Variants in CHLSN observed in about 807,000 individuals in gnomAD.
CHLSN encodes the protein cholesin, also known as protein cholesin.
At chr7:1,134,634 C>T in the CHLSN span, among the ~76,000 whole-genome samples, 14 of 151,720 alleles carry the variant, frequency 9.2e-5, no homozygotes, top group Admixed American at 5.9e-4. Context: ...TTTGGGAGGC[C>T]GAGACAGGCA....
At chr7:1,098,050 C>A in the CHLSN span, among the ~76,000 whole-genome samples, 7 of 148,856 alleles carry the variant, frequency 4.7e-5, no homozygotes, top group Admixed American at 4.6e-4. Context: ...TGGGGTCAGT[C>A]GACAAGAATG....
At chr7:1,002,700 C>T in the CHLSN span, among the ~76,000 whole-genome samples, 2 of 64,950 alleles carry the variant, frequency 3.1e-5, no homozygotes, top group Admixed American at 3.1e-4. Flanking sequence ...TGAGTGGAGC[C>T]CTGTGGGTGA....
At chr7:1,005,775 C>T in the CHLSN span, among the ~76,000 whole-genome samples, 268 of 152,332 alleles carry the variant, frequency 1.8e-3, no homozygotes, top group Non-Finnish European at 2.9e-3. Flanking sequence ...GACTTGCTCT[C>T]GTCCTCCCGC....
the CHLSN span, among the ~76,000 whole-genome samples, chr7:999,386 G>A: frequency 6.6e-6 from 1 of 150,496 alleles, no homozygotes; most frequent in Non-Finnish European, 1.5e-5. Context: ...CCACCCTTGT[G>A]CCTGCCCCAG....
At chr7:1,033,613 G>A in the CHLSN span, among the ~76,000 whole-genome samples, 1 of 152,022 alleles carries the variant, frequency 6.6e-6, no homozygotes, top group Non-Finnish European at 1.5e-5. Flanking sequence ...GGCTACAGAA[G>A]AAATACGACG....
At chr7:990,444 C>T in the CHLSN span, among the ~76,000 whole-genome samples, 117 of 152,114 alleles carry the variant, frequency 7.7e-4, 1 homozygote, top group African/African-American at 2.7e-3. Context: ...CCAGCGCTGA[C>T]CATGCACGTG....
the CHLSN span, chr7:987,293 C>T: frequency 4.0e-6 from 6 of 1,512,114 alleles, no homozygotes; most frequent in Non-Finnish European, 5.3e-6. Flanking sequence ...CCCCGGGGGA[C>T]CCCCAGGGAC....
At chr7:1,027,453 G>A in the CHLSN span, among the ~76,000 whole-genome samples, 1 of 152,174 alleles carries the variant, frequency 6.6e-6, no homozygotes, top group Non-Finnish European at 1.5e-5. Flanking sequence ...GCACGGGGCC[G>A]CCACCTGCCC....
chr7:1,070,608 A>T, the CHLSN span, among the ~76,000 whole-genome samples: 1 of 146,548 alleles, frequency 6.8e-6, no homozygotes, highest in African/African-American at 2.6e-5. Context: ...ACATGCACAC[A>T]TGCATGCACA....
the CHLSN span, among the ~76,000 whole-genome samples, chr7:1,126,766 C>T: frequency 0.087 from 13,313 of 152,218 alleles, 1,389 homozygotes; most frequent in African/African-American, 0.25. Context: ...CAAATCTCAA[C>T]GTTATTCATA....
chr7:1,064,878 G>A, the CHLSN span, among the ~76,000 whole-genome samples: 1 of 152,240 alleles, frequency 6.6e-6, no homozygotes. Context: ...GAAGGCCCCA[G>A]GAGGGAGGGT....
the CHLSN span, among the ~76,000 whole-genome samples, chr7:1,015,033 GC>G: frequency 6.6e-6 from 1 of 152,360 alleles, no homozygotes; most frequent in East Asian, 1.9e-4. Context: ...GCGTTGCCGG[GC>G]AGGGCCTGAC....
chr7:1,072,686 T>C, the CHLSN span, among the ~76,000 whole-genome samples: 1 of 144,816 alleles, frequency 6.9e-6, no homozygotes, highest in African/African-American at 2.6e-5. Context: ...CTTTTTTTTT[T>C]TTTTTTTTTT....
chr7:1,109,976 C>T, the CHLSN span, among the ~76,000 whole-genome samples: 1 of 152,348 alleles, frequency 6.6e-6, no homozygotes, highest in South Asian at 2.1e-4. Context: ...TGGGCTGCGT[C>T]CAGGGCTACA....
chr7:1,092,250 C>A, the CHLSN span: 1 of 1,612,430 alleles, frequency 6.2e-7, no homozygotes, highest in South Asian at 1.1e-5. Flanking sequence ...AGCACCACGC[C>A]CGGCTGAGCT....
the CHLSN span, chr7:1,057,486 C>G: frequency 1.4e-6 from 1 of 735,678 alleles, no homozygotes; most frequent in South Asian, 1.5e-5. Flanking sequence ...TTCCTTCTTT[C>G]CGCAGGGTCG....
the CHLSN span, among the ~76,000 whole-genome samples, chr7:1,042,999 C>T: frequency 6.6e-6 from 1 of 151,986 alleles, no homozygotes; most frequent in African/African-American, 2.4e-5. Flanking sequence ...CACCTGTAAT[C>T]CCAGCACTTT....
At chr7:1,049,971 G>A in the CHLSN span, among the ~76,000 whole-genome samples, 1 of 152,108 alleles carries the variant, frequency 6.6e-6, no homozygotes, top group African/African-American at 2.4e-5. Flanking sequence ...CCAACAAGGA[G>A]AGCTGCCCCA....
chr7:1,112,535 C>G, the CHLSN span, among the ~76,000 whole-genome samples: 1 of 152,122 alleles, frequency 6.6e-6, no homozygotes, highest in Admixed American at 6.5e-5. Flanking sequence ...GATGGCCCCA[C>G]ATGAAGCCAG....
Sources: allele counts gnomAD v4.1 joint callset (sites outside exome capture counted in the v4.1 genomes callset), GRCh38; gene constraint gnomAD v4.1.1; transcripts MANE v1.5; gene names NCBI Gene and HGNC (gene_info 2026-07-23, HGNC 2026-07-21).